ANKS1B: variants seen among roughly 807,000 people sequenced by gnomAD.
ANKS1B encodes the protein ankyrin repeat and sterile alpha motif domain-containing protein 1B.
In ANKS1B, 36 loss-of-function variants were observed where a neutral mutation model predicts 148.3. That is an observed-to-expected ratio of 0.24 (90% CI 0.19 to 0.32). ANKS1B has a LOEUF of 0.32. Ranked by LOEUF, ANKS1B falls within the 10% of genes least tolerant of loss-of-function variation. The probability of loss-of-function intolerance (pLI) is 1.00; values close to 1 mark genes in which losing one functional copy is unlikely to be tolerated. For missense variants in ANKS1B, 1,157 were observed against 1,542.6 expected (o/e 0.75, Z 4.19); for synonymous variants, 542 against 560.8 (o/e 0.97, Z 0.47).
At chr12:99,821,744 A>G (rs74558155) in intron 2 of ANKS1B, among the ~76,000 whole-genome samples, 2 of 152,086 alleles carry the variant, frequency 1.3e-5, no homozygotes, top group Non-Finnish European at 2.9e-5. Flanking sequence ...TATCTTCCCA[A>G]TTAGAACTAA....
At chr12:99,465,056 C>A (rs2096073399) in intron 10 of ANKS1B, among the ~76,000 whole-genome samples, 1 of 152,188 alleles carries the variant, frequency 6.6e-6, no homozygotes, top group Non-Finnish European at 1.5e-5. Context: ...GGTCGGGTTA[C>A]CCACAAAGGG....
intron 8 of ANKS1B, among the ~76,000 whole-genome samples, chr12:99,729,517 A>G (rs1342808363): frequency 6.6e-6 from 1 of 151,776 alleles, no homozygotes; most frequent in Admixed American, 6.6e-5. Flanking sequence ...CTCTCTATTG[A>G]TATTCTCTAT....
chr12:98,847,852 T>G (rs2099490993), intron 17 of ANKS1B, among the ~76,000 whole-genome samples: 1 of 152,200 alleles, frequency 6.6e-6, no homozygotes, highest in Admixed American at 6.5e-5. Context: ...CGCCTCAGCC[T>G]CTCAAACTGC....
At chr12:99,298,151 T>C (rs1028179275) in intron 12 of ANKS1B, among the ~76,000 whole-genome samples, 1 of 152,218 alleles carries the variant, frequency 6.6e-6, no homozygotes, top group African/African-American at 2.4e-5. Context: ...ACGGGATGTA[T>C]AACAACTAAT....
At chr12:99,564,668 A>T (rs2097370614) in intron 9 of ANKS1B, among the ~76,000 whole-genome samples, 1 of 152,140 alleles carries the variant, frequency 6.6e-6, no homozygotes, top group Non-Finnish European at 1.5e-5. Context: ...TCTGACCACT[A>T]ACATCCCTTA....
At chr12:99,284,798 GT>G (rs911546583) in intron 12 of ANKS1B, among the ~76,000 whole-genome samples, 5 of 152,060 alleles carry the variant, frequency 3.3e-5, no homozygotes, top group Admixed American at 2.0e-4. Flanking sequence ...GGTCTTTAAG[GT>G]TTTTTGTGAT....
intron 12 of ANKS1B, among the ~76,000 whole-genome samples, chr12:99,362,799 C>T (rs928005230): frequency 1.3e-5 from 2 of 151,984 alleles, no homozygotes; most frequent in Non-Finnish European, 2.9e-5. Flanking sequence ...CCTCTGAAGA[C>T]AGCTCAACAA....
intron 12 of ANKS1B, among the ~76,000 whole-genome samples, chr12:99,335,143 G>A (rs1156794054): frequency 6.6e-6 from 1 of 151,540 alleles, no homozygotes; most frequent in Non-Finnish European, 1.5e-5. Flanking sequence ...TTTACGTGTT[G>A]TATTTTTATT....
intron 8 of ANKS1B, among the ~76,000 whole-genome samples, chr12:99,768,504 C>T (rs2062862363): frequency 6.6e-6 from 1 of 151,872 alleles, no homozygotes; most frequent in Admixed American, 6.6e-5. Flanking sequence ...AGATGATAAC[C>T]CCTTATGATG....
intron 12 of ANKS1B, among the ~76,000 whole-genome samples, chr12:99,382,739 G>A (rs1455099678): frequency 1.4e-5 from 2 of 144,312 alleles, no homozygotes; most frequent in Admixed American, 6.9e-5. Flanking sequence ...GAGAGAGCTT[G>A]CACAAAAGCA....
chr12:98,778,282 C>A (rs1253191742), intron 24 of ANKS1B, among the ~76,000 whole-genome samples: 1 of 152,192 alleles, frequency 6.6e-6, no homozygotes, highest in African/African-American at 2.4e-5. Context: ...TCGAGACCAG[C>A]CTGGCCAACA....
At chr12:99,667,353 A>AAAAAGAAAAGAAAAG (rs71088138) in intron 8 of ANKS1B, among the ~76,000 whole-genome samples, 14,330 of 147,972 alleles carry the variant, frequency 0.097, 979 homozygotes, top group South Asian at 0.27. Flanking sequence ...TGTCTCAAAA[A>AAAAAGAAAAGAAAAG]AAAAGAAAAG....
At chr12:99,423,822 C>T (rs2095170275) in intron 11 of ANKS1B, among the ~76,000 whole-genome samples, 1 of 152,072 alleles carries the variant, frequency 6.6e-6, no homozygotes, top group African/African-American at 2.4e-5. Context: ...GAATAACACA[C>T]ACTGGGACCT....
At chr12:99,448,907 G>C (rs1374398022) in intron 10 of ANKS1B, among the ~76,000 whole-genome samples, 1 of 151,940 alleles carries the variant, frequency 6.6e-6, no homozygotes, top group Non-Finnish European at 1.5e-5. Flanking sequence ...TCTCCCTTTG[G>C]ACTCTATTGA....
At chr12:98,855,857 G>A (rs2099568547) in intron 17 of ANKS1B, among the ~76,000 whole-genome samples, 1 of 151,732 alleles carries the variant, frequency 6.6e-6, no homozygotes, top group Non-Finnish European at 1.5e-5. Flanking sequence ...TACAAACTTT[G>A]TGTCTCTTCC....
intron 22 of ANKS1B, among the ~76,000 whole-genome samples, chr12:98,782,616 T>C (rs968783789): frequency 3.3e-5 from 5 of 152,246 alleles, no homozygotes; most frequent in African/African-American, 1.2e-4. Context: ...TTGCATCTTT[T>C]AGTTGAGCTG....
chr12:99,687,628 TTTTCA>T (rs1397303896), intron 8 of ANKS1B, among the ~76,000 whole-genome samples: 8 of 152,198 alleles, frequency 5.3e-5, no homozygotes, highest in Admixed American at 5.2e-4. Context: ...TCTAGTACAC[TTTTCA>T]TTTCAGCTAT....
intron 17 of ANKS1B, among the ~76,000 whole-genome samples, chr12:99,000,764 C>T (rs541618837): frequency 6.6e-6 from 1 of 152,224 alleles, no homozygotes; most frequent in Non-Finnish European, 1.5e-5. Context: ...ATCCTTGCAC[C>T]CCAGTCCTTG....
chr12:98,967,751 T>TAAAAAAAAAAAAAAAA (rs544792811), intron 17 of ANKS1B, among the ~76,000 whole-genome samples: 1 of 81,360 alleles, frequency 1.2e-5, no homozygotes, highest in Non-Finnish European at 2.9e-5. Context: ...CAGACAAATC[T>TAAAAAAAAAAAAAAAA]AAAAAAAAAA....
Sources: gnomAD v4.1 joint callset for allele counts (sites outside exome capture counted in the v4.1 genomes callset) on GRCh38, gnomAD v4.1.1 for gene constraint, MANE v1.5 for transcripts, NCBI Gene and HGNC (gene_info 2026-07-23, HGNC 2026-07-21) for gene names.